Variants in SLC39A14 observed in about 807,000 individuals in gnomAD.
The protein encoded by SLC39A14 is solute carrier family 39 member 14.
A neutral mutation model predicts 45.5 loss-of-function variants in SLC39A14; 19 were observed. The observed-to-expected ratio is 0.42, with a 90% CI of 0.29 to 0.61. The LOEUF is 0.61. Ranked by LOEUF, SLC39A14 falls within the 20% of genes least tolerant of loss-of-function variation. The probability of loss-of-function intolerance (pLI) is 0.22; values close to 1 mark genes in which losing one functional copy is unlikely to be tolerated. For synonymous variants in SLC39A14, 264 were observed against 251.3 expected, an observed-to-expected ratio of 1.05 and a Z score of -0.48; for missense variants, 447 against 616.5, an observed-to-expected ratio of 0.73 and a Z score of 2.91.
In SLC39A14 at chr8:22,404,752, C is replaced by T. The variant is rs1276713866; in HGVS notation, c.42C>T (p.Leu14=). 6.2e-7 allele frequency: 1 copy of T among 1,613,814 alleles called. No homozygotes were observed. Among genetic ancestry groups the T allele is most frequent in the Non-Finnish European group, 8.5e-7 (1 of 1,179,874 alleles). The stretch of plus-strand genomic sequence containing the variant: ...TGCACCCGGCCTTCCAGAGCTGCCT[C>T]CTGCTGACCCTGCTTGGCTTATGGA... ...LLLHPAFQSC[L]LLTLLGLWRT... is the part of the protein sequence containing the mutation. The change falls in exon 2 of 9, where the codon CTC becomes CTT. Residue 14 remains leucine, a synonymous_variant. Transcript: ENST00000381237.
downstream of SLC39A14, among the ~76,000 whole-genome samples, chr8:22,427,504 C>G (rs1336517790): frequency 2.7e-5 from 4 of 150,826 alleles, no homozygotes; most frequent in Non-Finnish European, 5.9e-5. Flanking sequence ...ATTATAAATG[C>G]TAGTAAGGAA....
At chr8:22,371,396 TAAAAA>T (rs1158111835) in intron 1 of SLC39A14, among the ~76,000 whole-genome samples, 4 of 122,270 alleles carry the variant, frequency 3.3e-5, no homozygotes, top group African/African-American at 5.5e-5. Flanking sequence ...GTTGGATATC[TAAAAA>T]AAAAATACAT....
At chr8:22,424,718 G>A (rs1586761117), downstream of SLC39A14, among the ~76,000 whole-genome samples, 3 of 152,078 alleles carry the variant, frequency 2.0e-5, 1 homozygote, top group Middle Eastern at 0.01. Flanking sequence ...CTGGCCATAT[G>A]GAAAGAATGA....
intron 1 of SLC39A14, among the ~76,000 whole-genome samples, chr8:22,371,414 C>CTTTTTTTTTTTTT (rs373230777): frequency 1.7e-5 from 2 of 120,126 alleles, no homozygotes; most frequent in Non-Finnish European, 4.0e-5. Context: ...AAATACATGT[C>CTTTTTTTTTTTTT]TTTTTTTTTT....
chr8:22,399,351 A>T (rs748601491), intron 1 of SLC39A14, among the ~76,000 whole-genome samples: 2 of 152,244 alleles, frequency 1.3e-5, no homozygotes, highest in Non-Finnish European at 2.9e-5. Flanking sequence ...TGTAGTTAAA[A>T]AGAAGACAAG....
intron 1 of SLC39A14, among the ~76,000 whole-genome samples, chr8:22,388,736 G>T (rs1833914525): frequency 1.3e-5 from 2 of 152,188 alleles, no homozygotes; most frequent in African/African-American, 4.8e-5. Context: ...CTTAACTTCA[G>T]TAATGGGATG....
intron 2 of SLC39A14, among the ~76,000 whole-genome samples, chr8:22,407,978 G>A (rs1388280510): frequency 6.6e-6 from 1 of 152,184 alleles, no homozygotes; most frequent in Admixed American, 6.5e-5. Flanking sequence ...AAAGTGCTGG[G>A]ATTACAGTGT....
At chr8:22,381,562 G>GA (rs1833516364) in intron 1 of SLC39A14, among the ~76,000 whole-genome samples, 1 of 152,214 alleles carries the variant, frequency 6.6e-6, no homozygotes. Flanking sequence ...GAGCCATAGC[G>GA]CCCGGCCCCT....
At chr8:22,396,622 G>C (rs1051875615) in intron 1 of SLC39A14, among the ~76,000 whole-genome samples, 1 of 145,172 alleles carries the variant, frequency 6.9e-6, no homozygotes, top group Non-Finnish European at 1.5e-5. Context: ...ATTTGGAATT[G>C]GATCATGTCC....
intron 3 of SLC39A14, among the ~76,000 whole-genome samples, chr8:22,408,820 C>CTTTTTTT (rs71544900): frequency 7.7e-6 from 1 of 130,552 alleles, no homozygotes; most frequent in African/African-American, 2.9e-5. Flanking sequence ...CTTTTTTAAT[C>CTTTTTTT]TTTTTTTTTT....
chr8:22,433,735 T>C (rs1018089230), intron 8 of SLC39A14, among the ~76,000 whole-genome samples: 3 of 152,060 alleles, frequency 2.0e-5, no homozygotes, highest in East Asian at 1.9e-4. Flanking sequence ...AATTTTTCTG[T>C]ATTTTTTATA....
At chr8:22,377,111 C>T (rs1278313952) in intron 1 of SLC39A14, among the ~76,000 whole-genome samples, 1 of 152,168 alleles carries the variant, frequency 6.6e-6, no homozygotes, top group African/African-American at 2.4e-5. Context: ...TAAGCAAGAG[C>T]TGGCCCTGCT....
At chr8:22,395,412 G>C (rs1295634323) in intron 1 of SLC39A14, among the ~76,000 whole-genome samples, 1 of 152,180 alleles carries the variant, frequency 6.6e-6, no homozygotes, top group East Asian at 1.9e-4. Flanking sequence ...CATTCACTGT[G>C]ATTATCTCAA....
intron 8 of SLC39A14, among the ~76,000 whole-genome samples, chr8:22,430,722 G>T (rs1214391503): frequency 6.6e-6 from 1 of 152,052 alleles, no homozygotes; most frequent in Non-Finnish European, 1.5e-5. Context: ...GTCCAGGCTG[G>T]AGTGCAGTGG....
At chr8:22,392,736 G>A (rs1434770305) in intron 1 of SLC39A14, 1 of 152,232 alleles carries the variant, frequency 6.6e-6, no homozygotes, top group Admixed American at 6.5e-5. Context: ...AGTCCCCTTT[G>A]CTCCAGCTCC....
intron 1 of SLC39A14, among the ~76,000 whole-genome samples, chr8:22,395,093 T>C (rs549707517): frequency 1.3e-5 from 2 of 151,964 alleles, no homozygotes; most frequent in East Asian, 3.9e-4. Flanking sequence ...CACTGCAACC[T>C]TCGCCTCCCG....
chr8:22,393,956 G>T lies in SLC39A14; in HGVS notation c.-15-10740G>T, dbSNP rs550776023. Among the ~76,000 whole-genome samples the T allele has an allele frequency of 2.0e-5, 3 of 151,772 alleles. No homozygotes were observed. In the East Asian group the frequency reaches 5.8e-4, roughly 29 times the overall value. On this transcript the variant is annotated intron_variant, in intron 1 of 8. Coordinates refer to ENST00000381237, the MANE Select transcript of SLC39A14 (RefSeq NM_001128431.4). Reference sequence around the variant, plus strand: ...CCAGAGTGCTGGGATTACAGACATGGGCCACCGCCCCCAGCCCTGTAATGA... The same window carrying T: ...CCAGAGTGCTGGGATTACAGACATGTGCCACCGCCCCCAGCCCTGTAATGA...
intron 1 of SLC39A14, among the ~76,000 whole-genome samples, chr8:22,401,761 C>G (rs1834883537): frequency 1.3e-5 from 2 of 152,010 alleles, no homozygotes; most frequent in African/African-American, 4.8e-5. Flanking sequence ...GTCTCGAACT[C>G]CTGAGCTCAA....
At chr8:22,382,718 G>C (rs1294792578) in intron 1 of SLC39A14, among the ~76,000 whole-genome samples, 1 of 151,996 alleles carries the variant, frequency 6.6e-6, no homozygotes, top group African/African-American at 2.4e-5. Flanking sequence ...TGAGGGTTTT[G>C]TTTTGTTCCT....
Sources: allele counts gnomAD v4.1 joint callset (sites outside exome capture counted in the v4.1 genomes callset), GRCh38; gene constraint gnomAD v4.1.1; transcripts MANE v1.5; gene names NCBI Gene and HGNC (gene_info 2026-07-23, HGNC 2026-07-21).